The following GPATCH8 variants were observed in gnomAD, a reference collection of about 807,000 sequenced individuals.
GPATCH8 encodes G patch domain-containing protein 8.
Under a neutral mutation model 118.3 loss-of-function variants are expected in GPATCH8, and 18 were observed. The ratio of observed to expected loss-of-function variants is 0.15; its 90% CI spans 0.11 to 0.23. GPATCH8 has a LOEUF of 0.23. Ranked by LOEUF, GPATCH8 falls within the 10% of genes least tolerant of loss-of-function variation. The pLI is 1.00. For missense variants in GPATCH8, 1,631 were observed against 1,873.8 expected (o/e 0.87, Z 2.39); for synonymous variants, 659 against 684.7 (o/e 0.96, Z 0.59).
chr17:44,478,090 T>G (rs1316012403), intron 1 of GPATCH8, among the ~76,000 whole-genome samples: 1 of 152,212 alleles, frequency 6.6e-6, no homozygotes, highest in Admixed American at 6.5e-5. Context: ...CCTCCCAAAG[T>G]GCTGAGATTA....
intron 3 of GPATCH8, among the ~76,000 whole-genome samples, chr17:44,458,692 A>G (rs947936174): frequency 2.0e-5 from 3 of 151,944 alleles, no homozygotes; most frequent in Non-Finnish European, 2.9e-5. Flanking sequence ...TGGCTAATCT[A>G]TTTTTTAAAA....
At chr17:44,490,404 T>G (rs1969153950) in intron 1 of GPATCH8, among the ~76,000 whole-genome samples, 1 of 152,162 alleles carries the variant, frequency 6.6e-6, no homozygotes, top group Non-Finnish European at 1.5e-5. Context: ...TAATAAAAAT[T>G]CATAGGTCCT....
chr17:44,406,266 A>G (rs1462553694), intron 6 of GPATCH8, among the ~76,000 whole-genome samples: 3 of 152,160 alleles, frequency 2.0e-5, no homozygotes, highest in Admixed American at 1.3e-4. Flanking sequence ...ACAGCATATC[A>G]TTTGCTTTAT....
chr17:44,500,099 T>C (rs537152773), intron 1 of GPATCH8, among the ~76,000 whole-genome samples: 367 of 152,346 alleles, frequency 2.4e-3, no homozygotes, highest in African/African-American at 8.7e-3. Flanking sequence ...AAAAGCTCCC[T>C]TATTCTTTGT....
chr17:44,401,510 T>A, intron 7 of GPATCH8, 57 bp from the exon 8 acceptor site: 2 of 1,060,440 alleles, frequency 1.9e-6, no homozygotes, highest in Non-Finnish European at 3.0e-6. Flanking sequence ...GTACATTTCA[T>A]AAACCTTATA....
rs1286599843 is a variant in GPATCH8, at chr17:44,397,897, G to A, written c.4180C>T (p.His1394Tyr). The A allele has an allele frequency of 6.2e-7, 1 of 1,611,460 alleles. No homozygotes were observed. Among genetic ancestry groups the A allele is most frequent in the South Asian group, 1.1e-5 (1 of 91,038 alleles). Residue 1394 changes from histidine to tyrosine, a missense_variant, in exon 8 of 8, where the codon CAC (histidine) becomes TAC (tyrosine). His to Tyr is a moderately conservative substitution (Grantham distance 83, BLOSUM62 2). This residue lies in a region of GPATCH8 where 111 missense variants were observed against 112.4 expected (regional missense o/e 0.99). Coordinates refer to ENST00000591680, the MANE Select transcript of GPATCH8 (RefSeq NM_001002909.4). ...AAAAAAAIGI[H>Y]PHPHPQPLAQ... ...AGTGGTTGGGGATGGGGGTGAGGGTGAATGCCGATGGCGGCAGCAGCTGCG... is the reference window on the plus strand; with the variant it reads ...AGTGGTTGGGGATGGGGGTGAGGGTAAATGCCGATGGCGGCAGCAGCTGCG...
intron 3 of GPATCH8, among the ~76,000 whole-genome samples, chr17:44,463,925 C>A (rs1406365196): frequency 6.6e-6 from 1 of 152,174 alleles, no homozygotes; most frequent in Non-Finnish European, 1.5e-5. Context: ...AATAACCTCT[C>A]TGCTCAGAGA....
chr17:44,409,926 T>C (rs574897089), intron 6 of GPATCH8, among the ~76,000 whole-genome samples: 1 of 152,342 alleles, frequency 6.6e-6, no homozygotes, highest in South Asian at 2.1e-4. Flanking sequence ...TCCTTCATTT[T>C]TCCTCAAATA....
chr17:44,403,787 G>A (rs1428308562), intron 7 of GPATCH8, among the ~76,000 whole-genome samples: 1 of 151,424 alleles, frequency 6.6e-6, no homozygotes, highest in East Asian at 2.0e-4. Context: ...TCTGCCTCCT[G>A]GGTTCAGGCA....
At chr17:44,408,333 C>T (rs2049308632) in intron 6 of GPATCH8, among the ~76,000 whole-genome samples, 1 of 152,100 alleles carries the variant, frequency 6.6e-6, no homozygotes, top group South Asian at 2.1e-4. Flanking sequence ...CTACAGGTGC[C>T]TGTCACCACA....
At chr17:44,449,756 G>A (rs533302996) in intron 3 of GPATCH8, among the ~76,000 whole-genome samples, 255 of 146,664 alleles carry the variant, frequency 1.7e-3, no homozygotes, top group South Asian at 8.8e-3. Flanking sequence ...CAGGTGATCC[G>A]CCCGCCTCAG....
At position 44,397,226 on chromosome 17, in the gene GPATCH8, G is replaced by C. The variant is rs2143560166; in HGVS notation, c.*342C>G. The C allele has an allele frequency of 2.0e-6, 1 of 494,498 alleles. No homozygotes were observed. Among genetic ancestry groups the C allele is most frequent in the African/African-American group, 1.9e-5 (1 of 51,648 alleles). The allele number at this position is 494,498 out of a possible 1,614,324, so 30.6% of individuals were successfully genotyped here. A position where few individuals can be genotyped will look rare whatever the true frequency, so the allele number is the denominator to read the frequency against. ...AAAATGTTTTAAAATTTACAGAAGG[G>C]AAGAGCAGAGGAAAAAAGCAGAGGG... On this transcript the variant is annotated 3_prime_UTR_variant, in exon 8 of 8. Transcript: ENST00000591680.
At chr17:44,425,597 T>C (rs1598456915) in intron 5 of GPATCH8, among the ~76,000 whole-genome samples, 2 of 152,340 alleles carry the variant, frequency 1.3e-5, no homozygotes, top group South Asian at 4.1e-4. Context: ...GTGCAGTTCA[T>C]GGCTCACTGC....
At position 44,396,217 on chromosome 17, in the gene GPATCH8, C is replaced by G. The variant is rs930561086; in HGVS notation, c.*1351G>C. ...GGACTGACTGCCTGGAACAAGGTACCCAGGGAAACCCAGGAATCCCCCCAG... is the reference window on the plus strand; with the variant it reads ...GGACTGACTGCCTGGAACAAGGTACGCAGGGAAACCCAGGAATCCCCCCAG... On this transcript the variant is annotated 3_prime_UTR_variant, in exon 8 of 8. Transcript: ENST00000591680. 1 of 454,408 alleles carries G rather than the reference C, an allele frequency of 2.2e-6. No individual in the cohort carries two copies. Among genetic ancestry groups the G allele is most frequent in the South Asian group, 1.6e-5 (1 of 64,460 alleles). 28.1% of individuals were successfully genotyped at this position (454,408 alleles called of 1,614,324 possible). A position where few individuals can be genotyped will look rare whatever the true frequency, so the allele number is the denominator to read the frequency against.
chr17:44,457,149 C>T (rs2051366722), intron 3 of GPATCH8, among the ~76,000 whole-genome samples: 1 of 152,132 alleles, frequency 6.6e-6, no homozygotes, highest in Non-Finnish European at 1.5e-5. Context: ...AGGTGTGACC[C>T]ACTGCAACTG....
At chr17:44,411,037 G>C (rs925305826) in intron 6 of GPATCH8, among the ~76,000 whole-genome samples, 1 of 152,188 alleles carries the variant, frequency 6.6e-6, no homozygotes, top group African/African-American at 2.4e-5. Context: ...AAAGAAATGA[G>C]AATCAGGTAA....
At chr17:44,446,613 A>G (rs963257308) in intron 3 of GPATCH8, among the ~76,000 whole-genome samples, 2 of 152,104 alleles carry the variant, frequency 1.3e-5, no homozygotes, top group African/African-American at 4.8e-5. Flanking sequence ...TCACAATTCT[A>G]AAGTTTGAAG....
chr17:44,488,528 C>T (rs912623593), intron 1 of GPATCH8, among the ~76,000 whole-genome samples: 1 of 151,428 alleles, frequency 6.6e-6, no homozygotes, highest in Non-Finnish European at 1.5e-5. Flanking sequence ...TGCCACCAAG[C>T]GTAGCTAACT....
chr17:44,426,460 T>C (rs904597194), intron 5 of GPATCH8, among the ~76,000 whole-genome samples: 1 of 151,998 alleles, frequency 6.6e-6, no homozygotes, highest in African/African-American at 2.4e-5. Context: ...AAACATTAGC[T>C]GAGCATGGTG....
Sources: allele counts gnomAD v4.1 joint callset (sites outside exome capture counted in the v4.1 genomes callset), GRCh38; gene constraint gnomAD v4.1.1; regional missense constraint gnomAD v4.1.1; transcripts MANE v1.5; gene names NCBI Gene and HGNC (gene_info 2026-07-23, HGNC 2026-07-21).